The following SLC30A4 variants were observed in gnomAD, a reference collection of about 807,000 sequenced individuals.
The protein encoded by SLC30A4 is solute carrier family 30 member 4.
In SLC30A4, 20 loss-of-function variants were observed where a neutral mutation model predicts 41.7. The ratio of observed to expected loss-of-function variants is 0.48; its 90% confidence interval spans 0.34 to 0.70. The LOEUF (loss-of-function observed/expected upper bound fraction) is 0.70, where lower values mean the gene tolerates loss of function less well. Among genes scored for constraint, SLC30A4 ranks in the 30% least tolerant of loss-of-function variants. SLC30A4 has a pLI of 0.01. For synonymous variants in SLC30A4, 181 were observed against 195.9 expected (o/e 0.92, Z 0.64); for missense variants, 441 against 529.3 (o/e 0.83, Z 1.64).
chr15:45,520,970 A>C (rs933787486), intron 2 of SLC30A4: 6 of 452,560 alleles, frequency 1.3e-5, no homozygotes, highest in Non-Finnish European at 2.3e-5. Context: ...TTGTAAGAGG[A>C]AAAAGAAGAC....
In SLC30A4 at chr15:45,486,707, C is replaced by T; in HGVS notation, c.1039G>A (p.Ala347Thr). 6.3e-7 allele frequency: 1 copy of T among 1,589,282 alleles called. No individual in the cohort carries two copies. Among genetic ancestry groups the T allele is most frequent in the South Asian group, 1.1e-5 (1 of 88,552 alleles). ...SHLNVDYIKE[A>T]LMKIEDVYSV... ...TATACATCTTCTATTTTCATCAAGGCTTCTTTGATATAGTCTACATTCAAA... is the reference window on the plus strand; with the variant it reads ...TATACATCTTCTATTTTCATCAAGGTTTCTTTGATATAGTCTACATTCAAA... Residue 347 changes from alanine (A) to threonine (T), a missense_variant, in exon 7 of 8, where the codon GCC becomes ACC. Physicochemically the swap from Ala to Thr is moderately conservative, Grantham distance 58. Around this residue, in one of 3 missense-constraint regions of SLC30A4, gnomAD observed 100 missense variants for 121.0 expected, o/e 0.83. Transcript: ENST00000261867.
chr15:45,519,000 C>G (rs1892582329), intron 2 of SLC30A4, among the ~76,000 whole-genome samples: 1 of 150,226 alleles, frequency 6.7e-6, no homozygotes, highest in Non-Finnish European at 1.5e-5. Flanking sequence ...GGCATGATCT[C>G]AGCTCACTGC....
At chr15:45,493,547 G>A (rs1317447291) in intron 3 of SLC30A4, among the ~76,000 whole-genome samples, 4 of 152,036 alleles carry the variant, frequency 2.6e-5, no homozygotes, top group Non-Finnish European at 5.9e-5. Context: ...TATAAAAACC[G>A]CTGGGCATGG....
At chr15:45,490,596 T>C (rs1891792787) in intron 4 of SLC30A4, 132 bp downstream of exon 4, 1 of 561,206 alleles carries the variant, frequency 1.8e-6, no homozygotes, top group Non-Finnish European at 3.0e-6. Context: ...TAGTGTTTCA[T>C]TTATCAGAAA....
chr15:45,504,387 A>C (rs1301969226), intron 3 of SLC30A4, among the ~76,000 whole-genome samples: 2 of 152,230 alleles, frequency 1.3e-5, no homozygotes, highest in Non-Finnish European at 2.9e-5. Flanking sequence ...AAAAACAAAA[A>C]GTATAAGTAG....
intron 2 of SLC30A4, 85 bp from the exon 3 acceptor site, chr15:45,511,369 C>G (rs1892287466): frequency 5.8e-6 from 5 of 866,512 alleles, no homozygotes; most frequent in Admixed American, 2.7e-5. Flanking sequence ...CAATATCCTA[C>G]AAAACATGAA....
intron 5 of SLC30A4, among the ~76,000 whole-genome samples, chr15:45,488,139 G>C (rs934301499): frequency 6.6e-6 from 1 of 152,088 alleles, no homozygotes; most frequent in African/African-American, 2.4e-5. Flanking sequence ...AAAGAAGAGG[G>C]AACTCAAGTT....
intron 2 of SLC30A4, chr15:45,519,248 CTTTTTTT>C (rs1403955960): frequency 2.0e-5 from 3 of 151,160 alleles, no homozygotes; most frequent in Non-Finnish European, 4.4e-5. Flanking sequence ...TTCTTTCTTT[CTTTTTTT>C]GAGACAGAGT....
At chr15:45,489,111 C>T in intron 4 of SLC30A4, 69 bp from the exon 5 acceptor site, 1 of 1,079,044 alleles carries the variant, frequency 9.3e-7, no homozygotes, top group Non-Finnish European at 1.4e-6. Context: ...ACTAGTCAGA[C>T]ACTAATGAGG....
Position 45,485,389 on chromosome 15 carries a change from C to A in SLC30A4, c.1136-72G>T, listed in dbSNP as rs139357229. Reference sequence around the variant, plus strand: ...CTTGAATAAGATACAGGGAAAAAAACAACTGAAATATACTGGGAATATATT... The same window carrying A: ...CTTGAATAAGATACAGGGAAAAAAAAAACTGAAATATACTGGGAATATATT... On this transcript the variant is annotated intron_variant, in intron 7 of 7. Coordinates refer to ENST00000261867, the MANE Select transcript of SLC30A4 (RefSeq NM_013309.6). 58 of 1,014,988 alleles carry A rather than the reference C, an allele frequency of 5.7e-5. No homozygotes were observed. In the African/African-American group the frequency reaches 8.9e-4, roughly 16 times the overall value. 62.9% of individuals were successfully genotyped at this position (1,014,988 alleles called of 1,614,324 possible). A position where few individuals can be genotyped will look rare whatever the true frequency, so the allele number is the denominator to read the frequency against.
chr15:45,489,114 T>C, intron 4 of SLC30A4, 72 bp from the exon 5 acceptor site: 1 of 1,032,866 alleles, frequency 9.7e-7, no homozygotes. Flanking sequence ...AGTCAGACAC[T>C]AATGAGGTAA....
At chr15:45,516,896 G>A (rs758477588) in intron 2 of SLC30A4, among the ~76,000 whole-genome samples, 3 of 152,010 alleles carry the variant, frequency 2.0e-5, no homozygotes, top group Non-Finnish European at 4.4e-5. Context: ...CAGCCTGGGT[G>A]ACAGAGCGAG....
Position 45,485,647 on chromosome 15 carries a change from ATGACT to A in SLC30A4, c.1136-335_1136-331del, listed in dbSNP as rs556348976. On this transcript the variant is annotated intron_variant, in intron 7 of 7. Coordinates refer to ENST00000261867, the MANE Select transcript of SLC30A4 (RefSeq NM_013309.6). ...AGCATCAATAGCATCAATCTGTGAA[ATGACT>A]TGAAGAAATAAAAATGTAAGAATCT... Among the ~76,000 whole-genome samples, 16 of 152,328 alleles carry A rather than the reference ATGACT, an allele frequency of 1.1e-4. No individual in the cohort carries two copies. In the South Asian group the frequency reaches 3.1e-3, roughly 30 times the overall value.
At chr15:45,512,461 G>A (rs967122906) in intron 2 of SLC30A4, 10 of 152,200 alleles carry the variant, frequency 6.6e-5, no homozygotes, top group Non-Finnish European at 1.5e-4. Flanking sequence ...TAAGTGTGCT[G>A]AGCTGTTGAT....
intron 3 of SLC30A4, among the ~76,000 whole-genome samples, chr15:45,496,470 T>G (rs1421647484): frequency 6.6e-6 from 1 of 152,198 alleles, no homozygotes; most frequent in Non-Finnish European, 1.5e-5. Flanking sequence ...GATTACTATT[T>G]CATTTTCTTA....
rs776358850 is a variant in SLC30A4 at position 45,490,803 on chromosome 15, G to A, written c.617C>T (p.Thr206Ile). The A allele has an allele frequency of 1.2e-6, 2 of 1,610,562 alleles. No individual in the cohort carries two copies. The highest frequency in any genetic ancestry group is 8.5e-7 in the Non-Finnish European group (1 of 1,177,386). Reference protein sequence around the residue: ...GFLLYEAVQRTIHMNYEINGD... With the variant: ...GFLLYEAVQRIIHMNYEINGD... ...ATTTATTTCATAGTTCATATGGATAGTTCTTTGCACAGCTTCATATAAGAG... is the reference window on the plus strand; with the variant it reads ...ATTTATTTCATAGTTCATATGGATAATTCTTTGCACAGCTTCATATAAGAG... Residue 206 changes from threonine (T) to isoleucine (I), a missense_variant, in exon 4 of 8, where the codon ACT becomes ATT. Physicochemically the swap from Thr to Ile is moderately conservative, Grantham distance 89 (BLOSUM62 -1). Coordinates refer to ENST00000261867, the MANE Select transcript of SLC30A4 (RefSeq NM_013309.6).
chr15:45,479,860 T>C lies in SLC30A4; in HGVS notation c.*5303A>G, dbSNP rs888227676. On this transcript the variant is annotated 3_prime_UTR_variant, in exon 8 of 8. Transcript: ENST00000261867. ...CAGCACATATATATATATATATATATACTTTGATCTTAATTAACATGGACA... is the reference window on the plus strand; with the variant it reads ...CAGCACATATATATATATATATATACACTTTGATCTTAATTAACATGGACA... 2.7e-5 allele frequency: 4 copies of C among 149,612 alleles called. No homozygotes were observed. Among genetic ancestry groups the C allele is most frequent in the Non-Finnish European group, 4.4e-5 (3 of 67,552 alleles). 9.3% of individuals were successfully genotyped at this position (149,612 alleles called of 1,614,324 possible).
chr15:45,515,906 T>C (rs1892457674), intron 2 of SLC30A4: 1 of 152,022 alleles, frequency 6.6e-6, no homozygotes, highest in Non-Finnish European at 1.5e-5. Flanking sequence ...AGCACCACCA[T>C]GCCCTACTAT....
Position 45,522,676 on chromosome 15 carries a change from T to G in SLC30A4, c.-184A>C. On this transcript the variant is annotated 5_prime_UTR_variant, in exon 1 of 8. Coordinates refer to ENST00000261867, the MANE Select transcript of SLC30A4 (RefSeq NM_013309.6). ...CCGGCTCAGCGAGGCGGGCTCGCGCTGCTCCACCCGCGGCCGCAGGAGAGT... is the reference window on the plus strand; with the variant it reads ...CCGGCTCAGCGAGGCGGGCTCGCGCGGCTCCACCCGCGGCCGCAGGAGAGT... 4.8e-6 allele frequency: 1 copy of G among 208,844 alleles called. No homozygotes were observed. Among genetic ancestry groups the G allele is most frequent in the Non-Finnish European group, 9.4e-6 (1 of 106,728 alleles). The allele number at this position is 208,844 out of a possible 1,614,324, so 12.9% of individuals were successfully genotyped here.
Sources: gnomAD v4.1 joint callset for allele counts (sites outside exome capture counted in the v4.1 genomes callset) on GRCh38, gnomAD v4.1.1 for gene constraint, gnomAD v4.1.1 regional missense constraint, MANE v1.5 for transcripts, NCBI Gene and HGNC (gene_info 2026-07-23, HGNC 2026-07-21) for gene names.